The following EXT1 variants were observed in gnomAD, a reference collection of about 807,000 sequenced individuals.
EXT1 encodes exostosin glycosyltransferase 1.
A neutral mutation model predicts 82.5 loss-of-function variants in EXT1; 20 were observed. The ratio of observed to expected loss-of-function variants is 0.24; its 90% CI spans 0.17 to 0.35. EXT1 has a LOEUF of 0.35. Ranked by LOEUF, EXT1 falls within the 10% of genes least tolerant of loss-of-function variation. EXT1 has a pLI of 1.00. For missense variants in EXT1, 757 were observed against 936.5 expected (o/e 0.81, Z 2.50); for synonymous variants, 348 against 350.8 (o/e 0.99, Z 0.09).
In EXT1 at chr8:118,000,573, T is replaced by C. The variant is rs1815641507; in HGVS notation, c.962+109512A>G. ...TAGGAACTGTTTAACTTCTTATTGG[T>C]CAATAACATGCCCCAGCAAGCAATA... is the stretch of plus-strand genomic sequence containing the variant. On this transcript the variant is annotated intron_variant, in intron 1 of 10. Transcript: ENST00000378204. Among the ~76,000 whole-genome samples, 9 of 152,154 alleles carry C rather than the reference T, an allele frequency of 5.9e-5. No individual in the cohort carries two copies. The South Asian group carries it at 1.9e-3, about 32-fold the overall frequency.
At chr8:117,994,423 G>A (rs1481131380) in intron 1 of EXT1, among the ~76,000 whole-genome samples, 3 of 152,116 alleles carry the variant, frequency 2.0e-5, no homozygotes, top group African/African-American at 7.2e-5. Context: ...AACAGCCTGA[G>A]CAACATGGCA....
At chr8:118,082,227 ATAGCTGAAGTC>A (rs1817345748) in intron 1 of EXT1, among the ~76,000 whole-genome samples, 1 of 152,238 alleles carries the variant, frequency 6.6e-6, no homozygotes, top group South Asian at 2.1e-4. Context: ...TGCATTAAAA[ATAGCTGAAGTC>A]TTAACTGAGG....
rs796995197 is a variant in EXT1 at position 117,892,951 on chromosome 8, G to A, written c.963-55750C>T. Among the ~76,000 whole-genome samples, 41 of 152,310 alleles carry A rather than the reference G, an allele frequency of 2.7e-4. 1 individual carries two copies. The highest frequency in any genetic ancestry group is 3.4e-3 in the Middle Eastern group (1 of 294). On this transcript the variant is annotated intron_variant, in intron 1 of 10. Coordinates refer to ENST00000378204, the MANE Select transcript of EXT1 (RefSeq NM_000127.3). ...GAAGCAACATATTGGGGAGGGTGAA[G>A]AGACAGAAATCAAGAACTTGGTTTT... is the stretch of plus-strand genomic sequence containing the variant.
chr8:118,106,405 G>A (rs1817803554), intron 1 of EXT1, among the ~76,000 whole-genome samples: 1 of 152,214 alleles, frequency 6.6e-6, no homozygotes, highest in Non-Finnish European at 1.5e-5. Flanking sequence ...GCAAACCCCT[G>A]AAACGTTCTG....
intron 3 of EXT1, among the ~76,000 whole-genome samples, chr8:117,832,765 G>A (rs1478670787): frequency 6.6e-6 from 1 of 152,180 alleles, no homozygotes; most frequent in African/African-American, 2.4e-5. Context: ...TGCTCTGGAA[G>A]ACAACTCCAA....
At chr8:117,922,345 A>T (rs1208189467) in intron 1 of EXT1, among the ~76,000 whole-genome samples, 1 of 152,242 alleles carries the variant, frequency 6.6e-6, no homozygotes, top group African/African-American at 2.4e-5. Flanking sequence ...TAAAACATAC[A>T]GAGTACTTTC....
At chr8:117,856,957 T>C (rs1812573393) in intron 1 of EXT1, among the ~76,000 whole-genome samples, 1 of 152,130 alleles carries the variant, frequency 6.6e-6, no homozygotes, top group Admixed American at 6.5e-5. Context: ...CCAAAAATCC[T>C]AGGACCCTTA....
At chr8:117,971,209 T>G (rs1205575293) in intron 1 of EXT1, among the ~76,000 whole-genome samples, 1 of 152,208 alleles carries the variant, frequency 6.6e-6, no homozygotes, top group Non-Finnish European at 1.5e-5. Flanking sequence ...CCACCTGCAC[T>G]CATTTCAAAA....
intron 1 of EXT1, among the ~76,000 whole-genome samples, chr8:117,850,122 C>T (rs752834264): frequency 6.6e-6 from 1 of 152,196 alleles, no homozygotes; most frequent in Non-Finnish European, 1.5e-5. Context: ...CTCTTGGCTA[C>T]GGGGCCCTTA....
chr8:117,870,013 G>A lies in EXT1; in HGVS notation c.963-32812C>T, dbSNP rs138440813. Among the ~76,000 whole-genome samples, 987 of 152,158 alleles carry A rather than the reference G, an allele frequency of 6.5e-3. 11 individuals carry two copies. Among genetic ancestry groups the A allele is most frequent in the African/African-American group, 0.023 (941 of 41,512 alleles). ...GAGGTGATGTTGCTACCCCTGTTGC[G>A]AGAATCAATGTCCCCCAACCTTGAA... is the stretch of plus-strand genomic sequence containing the variant. On this transcript the variant is annotated intron_variant, in intron 1 of 10. Transcript: ENST00000378204.
chr8:117,939,357 G>A (rs146268073), intron 1 of EXT1, among the ~76,000 whole-genome samples: 10 of 152,214 alleles, frequency 6.6e-5, no homozygotes, highest in Non-Finnish European at 1.5e-4. Flanking sequence ...GTCACCTGAG[G>A]TAAGGAGTTT....
At chr8:117,889,704 C>T (rs1262587782) in intron 1 of EXT1, among the ~76,000 whole-genome samples, 1 of 152,156 alleles carries the variant, frequency 6.6e-6, no homozygotes, top group African/African-American at 2.4e-5. Flanking sequence ...TGTGTTCATC[C>T]TCCCTTTCTA....
At chr8:118,043,379 C>A (rs1174901609) in intron 1 of EXT1, among the ~76,000 whole-genome samples, 1 of 152,148 alleles carries the variant, frequency 6.6e-6, no homozygotes, top group East Asian at 1.9e-4. Context: ...AGAATTATTT[C>A]CTAGGAAAGA....
chr8:117,872,160 A>AAGGG (rs549434816), intron 1 of EXT1, among the ~76,000 whole-genome samples: 128 of 141,392 alleles, frequency 9.1e-4, no homozygotes, highest in African/African-American at 2.4e-3. Flanking sequence ...AAGGAAAAGG[A>AAGGG]AGGGAGGGAG....
chr8:117,990,575 C>T (rs988315622), intron 1 of EXT1, among the ~76,000 whole-genome samples: 4 of 152,184 alleles, frequency 2.6e-5, no homozygotes, highest in East Asian at 3.9e-4. Flanking sequence ...ATGCTAAGGC[C>T]GGCAAGCCTA....
At chr8:118,076,892 T>C (rs1403689309) in intron 1 of EXT1, among the ~76,000 whole-genome samples, 1 of 150,342 alleles carries the variant, frequency 6.7e-6, no homozygotes, top group East Asian at 2.0e-4. Flanking sequence ...AGAGTAATAA[T>C]AAAATATTTC....
intron 1 of EXT1, among the ~76,000 whole-genome samples, chr8:117,940,677 A>G (rs1274705224): frequency 6.6e-6 from 1 of 152,042 alleles, no homozygotes; most frequent in Non-Finnish European, 1.5e-5. Flanking sequence ...GCATAAGAAG[A>G]CTCGGGAGAT....
At chr8:117,971,036 G>A (rs561041920) in intron 1 of EXT1, among the ~76,000 whole-genome samples, 29 of 152,212 alleles carry the variant, frequency 1.9e-4, no homozygotes, top group African/African-American at 7.0e-4. Flanking sequence ...ATTCCCTTCA[G>A]GGGCACTGCA....
intron 1 of EXT1, among the ~76,000 whole-genome samples, chr8:117,839,647 C>G (rs1199358059): frequency 6.6e-6 from 1 of 152,190 alleles, no homozygotes; most frequent in African/African-American, 2.4e-5. Flanking sequence ...CTATGAATTA[C>G]TAACATGTTC....
Sources: allele counts gnomAD v4.1 joint callset (sites outside exome capture counted in the v4.1 genomes callset), GRCh38; gene constraint gnomAD v4.1.1; transcripts MANE v1.5; gene names NCBI Gene and HGNC (gene_info 2026-07-23, HGNC 2026-07-21).